Variants in DIAPH2 observed in about 807,000 individuals in gnomAD.
The protein encoded by DIAPH2 is protein diaphanous homolog 2.
A neutral mutation model predicts 92.7 loss-of-function variants in DIAPH2; 35 were observed. That is an observed-to-expected ratio of 0.38 (90% CI 0.29 to 0.50). DIAPH2 has a LOEUF of 0.50. Ranked by LOEUF, DIAPH2 falls within the 20% of genes least tolerant of loss-of-function variation. The pLI is 0.94. For missense variants in DIAPH2, 701 were observed against 819.5 expected, an observed-to-expected ratio of 0.86 and a Z score of 1.77; for synonymous variants, 301 against 280.4, an observed-to-expected ratio of 1.07 and a Z score of -0.73.
At chrX:97,198,220 C>T (rs2147489677) in intron 22 of DIAPH2, among the ~76,000 whole-genome samples, 1 of 105,688 alleles carries the variant, frequency 9.5e-6, no homozygotes, top group Admixed American at 1.0e-4. Context: ...TTACCTAAAA[C>T]GTTCCTGGTC....
intron 19 of DIAPH2, among the ~76,000 whole-genome samples, chrX:97,077,100 C>T (rs767271201): frequency 1.8e-5 from 2 of 111,505 alleles, no homozygotes; most frequent in Non-Finnish European, 3.8e-5. Flanking sequence ...GGGTGTAGGG[C>T]CTAAGTGGCG....
chrX:97,185,425 A>ATATATATATGTATATATATATG lies in DIAPH2; in HGVS notation c.2719+43642_2719+43643insATATATATATGTATATATATGT, dbSNP rs1569323220. ...TATATATATATGTATATATATATGT[A>ATATATATATGTATATATATATG]TATATATATGTGTATATATATATGT... On this transcript the variant is annotated intron_variant, in intron 22 of 26. Coordinates refer to ENST00000324765, the MANE Select transcript of DIAPH2 (RefSeq NM_006729.5). Among the ~76,000 whole-genome samples, 29 of 32,665 alleles carry ATATATATATGTATATATATATG rather than the reference A, an allele frequency of 8.9e-4. 1 individual carries two copies. The highest frequency in any genetic ancestry group is 1.4e-3 in the South Asian group (1 of 708). The allele number at this position is 32,665 out of a possible 115,157, so 28.4% of individuals were successfully genotyped here.
At chrX:97,138,280 A>G (rs1304759701) in intron 21 of DIAPH2, among the ~76,000 whole-genome samples, 1 of 112,059 alleles carries the variant, frequency 8.9e-6, no homozygotes, top group Non-Finnish European at 1.9e-5. Flanking sequence ...TTATTGAGAA[A>G]TTTTGCTATA....
At chrX:97,378,247 G>A (rs1602548142) in intron 24 of DIAPH2, among the ~76,000 whole-genome samples, 1 of 110,056 alleles carries the variant, frequency 9.1e-6, no homozygotes, top group African/African-American at 3.3e-5. Context: ...TTTGGGCATG[G>A]TGTCACATGC....
chrX:96,870,893 A>G lies in DIAPH2; in HGVS notation c.448-10686A>G, dbSNP rs758993888. Reference sequence around the variant, plus strand: ...GTAGGATACATTTATAATCTGCAAAAGTATTATTAAACTTGCTTTGTTACA... The same window carrying G: ...GTAGGATACATTTATAATCTGCAAAGGTATTATTAAACTTGCTTTGTTACA... On this transcript the variant is annotated intron_variant, in intron 4 of 26. Transcript: ENST00000324765. Among the ~76,000 whole-genome samples, 4 of 112,122 alleles carry G rather than the reference A, an allele frequency of 3.6e-5. No homozygotes were observed. In the South Asian group the frequency reaches 1.1e-3, roughly 31 times the overall value.
At chrX:97,024,683 G>T (rs1261122246) in intron 17 of DIAPH2, among the ~76,000 whole-genome samples, 1 of 112,211 alleles carries the variant, frequency 8.9e-6, no homozygotes, top group East Asian at 2.8e-4. Flanking sequence ...CTGATTAGAA[G>T]AGGTAAAGAA....
intron 23 of DIAPH2, among the ~76,000 whole-genome samples, chrX:97,297,606 T>C: frequency 2.3e-5 from 1 of 43,365 alleles, no homozygotes; most frequent in Admixed American, 2.7e-4. Flanking sequence ...TTAGTGCACT[T>C]TTTTTTTTTT....
chrX:97,076,196 G>GT, intron 19 of DIAPH2, among the ~76,000 whole-genome samples: 1 of 111,820 alleles, frequency 8.9e-6, no homozygotes, highest in East Asian at 2.8e-4. Context: ...TTATTTTGTT[G>GT]TTTTTTGTTT....
At position 97,194,438 on chromosome X, in the gene DIAPH2, A is replaced by T. The variant is rs369994727; in HGVS notation, c.2719+52644A>T. On this transcript the variant is annotated intron_variant, in intron 22 of 26. Coordinates refer to ENST00000324765, the MANE Select transcript of DIAPH2 (RefSeq NM_006729.5). ...CTGGGACTACAGGCACCCGCCACCA[A>T]GCCCGGCTAATTTCTTTTTGTATTT... Among the ~76,000 whole-genome samples, 676 of 109,173 alleles carry T rather than the reference A, an allele frequency of 6.2e-3. 7 individuals are homozygous for T. Among genetic ancestry groups the T allele is most frequent in the African/African-American group, 0.021 (620 of 29,979 alleles). 94.8% of individuals were successfully genotyped at this position (109,173 alleles called of 115,157 possible). A position where few individuals can be genotyped will look rare whatever the true frequency, so the allele number is the denominator to read the frequency against.
At chrX:96,924,645 A>G (rs1461977749) in intron 9 of DIAPH2, among the ~76,000 whole-genome samples, 1 of 111,602 alleles carries the variant, frequency 9.0e-6, no homozygotes, top group Admixed American at 9.6e-5. Context: ...GGTAATTTAT[A>G]AAGAAAAGAG....
At chrX:96,935,628 A>G (rs1192094673) in intron 10 of DIAPH2, among the ~76,000 whole-genome samples, 1 of 111,390 alleles carries the variant, frequency 9.0e-6, no homozygotes, top group East Asian at 2.8e-4. Flanking sequence ...GCATTTACAC[A>G]TGTCTAAATT....
rs905145152 is a variant in DIAPH2 at position 97,191,809 on chromosome X, T to C, written c.2719+50015T>C. Among the ~76,000 whole-genome samples the C allele has an allele frequency of 9.9e-5, 11 of 111,315 alleles. No individual in the cohort carries two copies. The East Asian group carries it at 1.7e-3, about 17-fold the overall frequency. ...ACAAGGTAGAAGAAAGAAAAGTGAC[T>C]GGATAGCAGCATGAGCTTTGCTGCC... On this transcript the variant is annotated intron_variant, in intron 22 of 26. Transcript: ENST00000324765.
At chrX:97,559,213 C>G (rs1210054358) in intron 26 of DIAPH2, among the ~76,000 whole-genome samples, 1 of 111,736 alleles carries the variant, frequency 8.9e-6, no homozygotes, top group Non-Finnish European at 1.9e-5. Flanking sequence ...CAGTCCGGGT[C>G]GGGCATGGTA....
chrX:96,833,814 C>T (rs1157183800), intron 4 of DIAPH2, among the ~76,000 whole-genome samples: 1 of 110,295 alleles, frequency 9.1e-6, no homozygotes, highest in East Asian at 2.8e-4. Flanking sequence ...GTGTACACCA[C>T]CATGTCTGGC....
intron 1 of DIAPH2, among the ~76,000 whole-genome samples, chrX:96,696,556 G>A (rs1364344339): frequency 8.9e-6 from 1 of 112,146 alleles, no homozygotes; most frequent in Non-Finnish European, 1.9e-5. Flanking sequence ...TTATTGTCCT[G>A]TTTCTGGAGT....
At chrX:97,163,533 G>T (rs2067390231) in intron 22 of DIAPH2, among the ~76,000 whole-genome samples, 1 of 111,836 alleles carries the variant, frequency 8.9e-6, no homozygotes, top group South Asian at 3.7e-4. Context: ...GTAAGGCATT[G>T]AAGTTTCACC....
chrX:97,258,085 A>C (rs1291814582), intron 23 of DIAPH2, among the ~76,000 whole-genome samples: 1 of 111,609 alleles, frequency 9.0e-6, no homozygotes, highest in Non-Finnish European at 1.9e-5. Context: ...ATTTTTCAAA[A>C]TGTAGTGAAT....
rs143200116 is a variant in DIAPH2, at chrX:97,492,115, A to G, written c.3241+62370A>G. ...ATTTTTGTCTTTTAACTTTAATAGT[A>G]GAGTTTAAAGTTATTTACAGTCCAC... On this transcript the variant is annotated intron_variant, in intron 26 of 26. Coordinates refer to ENST00000324765, the MANE Select transcript of DIAPH2 (RefSeq NM_006729.5). Among the ~76,000 whole-genome samples the G allele has an allele frequency of 7.7e-3, 859 of 112,103 alleles. 4 individuals are homozygous for G. The highest frequency in any genetic ancestry group is 0.027 in the African/African-American group (822 of 30,876).
intron 22 of DIAPH2, among the ~76,000 whole-genome samples, chrX:97,221,159 T>G (rs531755749): frequency 9.0e-6 from 1 of 111,503 alleles, no homozygotes; most frequent in East Asian, 2.8e-4. Flanking sequence ...TAATTTAAGT[T>G]GAACTAGGTC....
Sources: allele counts gnomAD v4.1 joint callset (sites outside exome capture counted in the v4.1 genomes callset), GRCh38; gene constraint gnomAD v4.1.1; transcripts MANE v1.5; gene names NCBI Gene and HGNC (gene_info 2026-07-23, HGNC 2026-07-21).